Variants in ASXL1 observed in about 807,000 individuals in gnomAD.
ASXL1 encodes polycomb group protein ASXL1.
A neutral mutation model predicts 89.1 loss-of-function variants in ASXL1; 65 were observed. The ratio of observed to expected loss-of-function variants is 0.73; its 90% CI spans 0.60 to 0.90. The LOEUF is 0.90. Among genes scored for constraint, ASXL1 ranks in the 40% least tolerant of loss-of-function variants. The pLI, the probability that ASXL1 is intolerant of heterozygous loss-of-function variation, is 0.00. For missense variants in ASXL1, 1,786 were observed against 1,942.9 expected, an observed-to-expected ratio of 0.92 and a Z score of 1.52; for synonymous variants, 739 against 746.9, an observed-to-expected ratio of 0.99 and a Z score of 0.17.
intron 4 of ASXL1, among the ~76,000 whole-genome samples, chr20:32,418,935 C>T (rs1341381980): frequency 2.8e-5 from 4 of 142,018 alleles, no homozygotes; most frequent in African/African-American, 5.2e-5. Flanking sequence ...CAGCTTCAAG[C>T]GATTCTCCTG....
At chr20:32,386,904 CAT>C (rs948345578) in intron 4 of ASXL1, among the ~76,000 whole-genome samples, 3 of 151,190 alleles carry the variant, frequency 2.0e-5, no homozygotes, top group Admixed American at 6.6e-5. Flanking sequence ...TCTAGCAACT[CAT>C]GTGTCTCAGG....
At position 32,433,819 on chromosome 20, in the gene ASXL1, C is replaced by CGGCTTGA; in HGVS notation, c.1622_1628dup (p.Asp544AlafsTer2). 1 of 1,614,114 alleles carries CGGCTTGA rather than the reference C, an allele frequency of 6.2e-7. No individual in the cohort carries two copies. Among genetic ancestry groups the CGGCTTGA allele is most frequent in the Non-Finnish European group, 8.5e-7 (1 of 1,180,042 alleles). On this transcript the variant is annotated frameshift_variant, in exon 12 of 13. Transcript: ENST00000375687. LOFTEE classifies it high-confidence loss of function. Reference sequence around the variant, plus strand: ...TGCATCCTTTCCCGAAAAGAAGCCCCGGCTTGAAGATCGTCAGTCCTTTCG... The same window carrying CGGCTTGA: ...TGCATCCTTTCCCGAAAAGAAGCCCCGGCTTGAGGCTTGAAGATCGTCAGTCCTTTCG...
intron 4 of ASXL1, among the ~76,000 whole-genome samples, chr20:32,389,614 C>T (rs1415775691): frequency 2.6e-5 from 4 of 152,128 alleles, no homozygotes; most frequent in Non-Finnish European, 5.9e-5. Context: ...GAAACAGAGT[C>T]TCGCTCTGTT....
intron 8 of ASXL1, chr20:32,430,574 A>G (rs186027375): frequency 3.6e-5 from 6 of 165,694 alleles, no homozygotes; most frequent in Non-Finnish European, 7.6e-5. Context: ...CATTAGGGTT[A>G]TTTGCAATAT....
chr20:32,361,935 G>C (rs1221317302), intron 1 of ASXL1, among the ~76,000 whole-genome samples: 1 of 151,926 alleles, frequency 6.6e-6, no homozygotes, highest in Non-Finnish European at 1.5e-5. Context: ...GCATGGTGAT[G>C]GTGCATGCCT....
chr20:32,372,807 C>T (rs1258530665), intron 4 of ASXL1, among the ~76,000 whole-genome samples: 3 of 151,906 alleles, frequency 2.0e-5, no homozygotes. Flanking sequence ...GTTGGCCAGG[C>T]TGGTCTTGAA....
At chr20:32,366,121 T>TAACA (rs2048200374) in intron 1 of ASXL1, among the ~76,000 whole-genome samples, 1 of 152,194 alleles carries the variant, frequency 6.6e-6, no homozygotes, top group Non-Finnish European at 1.5e-5. Context: ...CAGTAACCAG[T>TAACA]GTTGCTAAGG....
chr20:32,367,816 G>C, intron 3 of ASXL1, 87 bp downstream of exon 3: 1 of 775,418 alleles, frequency 1.3e-6, no homozygotes, highest in East Asian at 2.4e-5. Context: ...AAGCAGTCAT[G>C]ATGGCTCATG....
At position 32,436,115 on chromosome 20, in the gene ASXL1, C is replaced by G. The variant is rs1429162146; in HGVS notation, c.3403C>G (p.Gln1135Glu). The change falls in exon 13 of 13, where the codon CAA (glutamine) becomes GAA (glutamate). Residue 1135 changes from glutamine to glutamate, a missense_variant. Physicochemically the swap from Gln to Glu is conservative, Grantham distance 29. Coordinates refer to ENST00000375687, the MANE Select transcript of ASXL1 (RefSeq NM_015338.6). ...AHDDSMSESP[Q>E]VPLTKDQSHG... ...CGATGACAGCATGTCAGAATCCCCA[C>G]AAGTACCACTTACAAAAGACCAGAG... 5 of 1,614,062 alleles carry G rather than the reference C, an allele frequency of 3.1e-6. No individual in the cohort carries two copies. Among genetic ancestry groups the G allele is most frequent in the Non-Finnish European group, 4.2e-6 (5 of 1,180,052 alleles).
At chr20:32,428,510 C>T in intron 6 of ASXL1, 88 bp downstream of exon 6, 5 of 1,289,692 alleles carry the variant, frequency 3.9e-6, no homozygotes, top group Admixed American at 3.4e-5. Context: ...GAGCTGTGAA[C>T]ATGTTCAGAG....
chr20:32,433,094 G>A, intron 11 of ASXL1, 109 bp downstream of exon 11: 29 of 1,552,456 alleles, frequency 1.9e-5, no homozygotes, highest in Non-Finnish European at 2.4e-5. Context: ...GGAGATTGCA[G>A]TGACACTTGG....
At chr20:32,361,633 CAAAAAA>C (rs11475139) in intron 1 of ASXL1, among the ~76,000 whole-genome samples, 2 of 102,332 alleles carry the variant, frequency 2.0e-5, no homozygotes, top group African/African-American at 3.7e-5. Context: ...AGACTCGTCT[CAAAAAA>C]AAAAAAAAAA....
rs758924265 is a variant in ASXL1, at chr20:32,434,763, C to T, written c.2051C>T (p.Pro684Leu). 4 of 1,613,682 alleles carry T rather than the reference C, an allele frequency of 2.5e-6. No individual in the cohort carries two copies. In the South Asian group the frequency reaches 4.4e-5, roughly 18 times the overall value. ...GAGCCCAGGGGAGGCCCGAGCACCC[C>T]TGGAAAGTGTACGTCAGATCTACAG... ...HPEPRGGPSTPGKCTSDLQRT... is the reference protein window; with the variant it reads ...HPEPRGGPSTLGKCTSDLQRT... Residue 684 changes from proline to leucine, a missense_variant, in exon 13 of 13, where the codon CCT becomes CTT. Coordinates refer to ENST00000375687, the MANE Select transcript of ASXL1 (RefSeq NM_015338.6).
chr20:32,358,665 C>G lies in ASXL1; in HGVS notation c.-111C>G, dbSNP rs1447930078. On this transcript the variant is annotated 5_prime_UTR_variant, in exon 1 of 13. Coordinates refer to ENST00000375687, the MANE Select transcript of ASXL1 (RefSeq NM_015338.6). ...CCGCACCCGAGACCTCGCGCGCCGC[C>G]GCTGCCACGCGCCCCCCCCACCGCC... 5.9e-6 allele frequency: 2 copies of G among 336,510 alleles called. No individual in the cohort carries two copies. Among genetic ancestry groups the G allele is most frequent in the Non-Finnish European group, 8.7e-6 (2 of 229,782 alleles). 20.8% of individuals were successfully genotyped at this position (336,510 alleles called of 1,614,324 possible).
At position 32,436,561 on chromosome 20, in the gene ASXL1, T is replaced by C. The variant is rs1444193436; in HGVS notation, c.3849T>C (p.Gly1283=). ...RFSSPNVISF[G]PEQTGRALGD... is the part of the protein sequence containing the mutation. ...CATCTCCAAATGTGATCTCCTTTGGTCCAGAGCAGACAGGTCGGGCCCTGG... is the reference window on the plus strand; with the variant it reads ...CATCTCCAAATGTGATCTCCTTTGGCCCAGAGCAGACAGGTCGGGCCCTGG... Residue 1283 remains glycine, a synonymous_variant, in exon 13 of 13, where the codon GGT becomes GGC. Coordinates refer to ENST00000375687, the MANE Select transcript of ASXL1 (RefSeq NM_015338.6). The C allele has an allele frequency of 6.2e-7, 1 of 1,614,220 alleles. No homozygotes were observed. Among genetic ancestry groups the C allele is most frequent in the Non-Finnish European group, 8.5e-7 (1 of 1,180,034 alleles).
At position 32,372,565 on chromosome 20, in the gene ASXL1, A is replaced by G. The variant is rs764400485; in HGVS notation, c.252+3442A>G. On this transcript the variant is annotated intron_variant, in intron 4 of 12. Transcript: ENST00000375687. ...ATTTAATGAACGAATTTAGTGAATA[A>G]TGGCTACATTTTTGTACTTCGTTAT... The G allele has an allele frequency of 4.2e-5, 11 of 260,294 alleles. 1 individual carries two copies. The highest frequency in any genetic ancestry group is 1.2e-4 in the Admixed American group (2 of 16,136). 16.1% of individuals were successfully genotyped at this position (260,294 alleles called of 1,614,324 possible). A position where few individuals can be genotyped will look rare whatever the true frequency, so the allele number is the denominator to read the frequency against.
intron 4 of ASXL1, among the ~76,000 whole-genome samples, chr20:32,421,850 A>AGGG (rs1359863150): frequency 1.4e-5 from 2 of 144,486 alleles, no homozygotes; most frequent in Non-Finnish European, 3.0e-5. Context: ...GTGGGGTGAG[A>AGGG]GGGGTGGTTT....
At chr20:32,360,670 C>G (rs889964346) in intron 1 of ASXL1, 2 of 158,170 alleles carry the variant, frequency 1.3e-5, no homozygotes, top group Admixed American at 1.3e-4. Context: ...TCTGTTGGCT[C>G]TTACTAGTTG....
intron 1 of ASXL1, among the ~76,000 whole-genome samples, chr20:32,365,353 C>A (rs2048187444): frequency 1.3e-5 from 2 of 152,106 alleles, no homozygotes; most frequent in African/African-American, 4.8e-5. Context: ...TTCTCCAAAC[C>A]TTGACTTTGG....
Sources: gnomAD v4.1 joint callset for allele counts (sites outside exome capture counted in the v4.1 genomes callset) on GRCh38, gnomAD v4.1.1 for gene constraint, MANE v1.5 for transcripts, NCBI Gene and HGNC (gene_info 2026-07-23, HGNC 2026-07-21) for gene names.